BCL2L13: variants seen among roughly 807,000 people sequenced by gnomAD.
BCL2L13 encodes the protein BCL2 like 13.
A neutral mutation model predicts 25.8 loss-of-function variants in BCL2L13; 13 were observed. That is an observed-to-expected ratio of 0.50 (90% CI 0.33 to 0.80). The LOEUF (loss-of-function observed/expected upper bound fraction) is 0.80, where lower values mean the gene tolerates loss of function less well. Ranked by LOEUF, BCL2L13 falls within the 30% of genes least tolerant of loss-of-function variation. The pLI, the probability that BCL2L13 is intolerant of heterozygous loss-of-function variation, is 0.02. For synonymous variants in BCL2L13, 244 were observed against 230.3 expected (o/e 1.06, Z -0.54); for missense variants, 504 against 574.9 (o/e 0.88, Z 1.26).
intron 1 of BCL2L13, 143 bp downstream of exon 1, chr22:17,639,029 C>T: frequency 4.4e-6 from 3 of 675,240 alleles, no homozygotes; most frequent in Non-Finnish European, 6.3e-6. Flanking sequence ...TGTGTCTACA[C>T]CGGCGCTCCT....
At position 17,704,670 on chromosome 22, in the gene BCL2L13, GT is replaced by G. The variant is rs566780472; in HGVS notation, c.600+2285del. On this transcript the variant is annotated intron_variant, in intron 6 of 6. Transcript: ENST00000317582. ...AGATGATGTGGAATGAGAAACAAAT[GT>G]CAACATAATAAAATCTCAGTTAAAG... 3.0e-3 allele frequency among the ~76,000 whole-genome samples: 462 copies of G among 152,070 alleles called. 5 individuals carry two copies. Among genetic ancestry groups the G allele is most frequent in the African/African-American group, 0.01 (427 of 41,530 alleles).
chr22:17,637,540 A>C (rs1185995213), upstream of BCL2L13, among the ~76,000 whole-genome samples: 2 of 151,582 alleles, frequency 1.3e-5, no homozygotes, highest in African/African-American at 2.4e-5. Flanking sequence ...ATACCTGGCT[A>C]ATTTTTTGTG....
intron 6 of BCL2L13, among the ~76,000 whole-genome samples, chr22:17,707,856 A>T (rs2060635416): frequency 6.6e-6 from 1 of 152,148 alleles, no homozygotes; most frequent in Admixed American, 6.5e-5. Context: ...AGGGGGCAGA[A>T]TAATTTGTAA....
intron 2 of BCL2L13, among the ~76,000 whole-genome samples, chr22:17,658,096 G>C (rs2587085): frequency 0.14 from 21,191 of 151,360 alleles, 2,024 homozygotes; most frequent in Non-Finnish European, 0.21. Context: ...CTGGGATTAC[G>C]GGCATGAGCC....
chr22:17,632,101 A>T (rs1049930815), intron 1 of BCL2L13, among the ~76,000 whole-genome samples: 6 of 152,142 alleles, frequency 3.9e-5, no homozygotes, highest in African/African-American at 1.4e-4. Context: ...CTTGTACTGT[A>T]TGACAGATTG....
chr22:17,720,110 T>C (rs1269593419), intron 6 of BCL2L13, among the ~76,000 whole-genome samples: 1 of 147,580 alleles, frequency 6.8e-6, no homozygotes, highest in Non-Finnish European at 1.5e-5. Context: ...ACTATGAATA[T>C]ACTAAAAACC....
chr22:17,654,995 A>G (rs2058807349), intron 1 of BCL2L13, among the ~76,000 whole-genome samples: 1 of 152,118 alleles, frequency 6.6e-6, no homozygotes, highest in Non-Finnish European at 1.5e-5. Context: ...AAGTTCTGGG[A>G]TTACATGCGT....
chr22:17,635,956 C>A (rs1028885370), upstream of BCL2L13, among the ~76,000 whole-genome samples: 1 of 150,366 alleles, frequency 6.7e-6, no homozygotes, highest in Non-Finnish European at 1.5e-5. Flanking sequence ...TGATCCGTCC[C>A]CCTTGGCCTC....
At chr22:17,726,562 A>G (rs2145845719) in intron 6 of BCL2L13, 115 bp from the exon 7 acceptor site, 2 of 1,218,226 alleles carry the variant, frequency 1.6e-6, no homozygotes, top group South Asian at 1.5e-5. Flanking sequence ...ATGTAGGTTT[A>G]AACAGTGTTT....
chr22:17,696,227 C>T lies in BCL2L13; in HGVS notation c.456+17C>T, dbSNP rs772176474. 1 of 1,604,778 alleles carries T rather than the reference C, an allele frequency of 6.2e-7. No homozygotes were observed. The highest frequency in any genetic ancestry group is 8.5e-7 in the Non-Finnish European group (1 of 1,171,862). On this transcript the variant is annotated intron_variant, in intron 5 of 6. Coordinates refer to ENST00000317582, the MANE Select transcript of BCL2L13 (RefSeq NM_015367.4). ...TGGAATAAGGTATCATCACAATGAT[C>T]TTTTCTCTTAAAAGATTTTAGTGTG...
intron 2 of BCL2L13, among the ~76,000 whole-genome samples, chr22:17,669,835 T>C (rs2059360460): frequency 6.6e-6 from 1 of 152,184 alleles, no homozygotes; most frequent in Non-Finnish European, 1.5e-5. Flanking sequence ...CTGTGCTGCC[T>C]CGGGACTCTG....
At chr22:17,680,670 G>C (rs2059724454) in intron 2 of BCL2L13, among the ~76,000 whole-genome samples, 1 of 152,082 alleles carries the variant, frequency 6.6e-6, no homozygotes, top group Admixed American at 6.6e-5. Context: ...TGATTCACGA[G>C]GTAAGTGAGC....
intron 3 of BCL2L13, chr22:17,684,678 C>G (rs1162557614): frequency 2.7e-5 from 12 of 445,110 alleles, no homozygotes; most frequent in Admixed American, 2.6e-4. Context: ...ATTCTCCTGT[C>G]TCAGCCTCCT....
At chr22:17,708,502 A>G (rs1162960182) in intron 6 of BCL2L13, among the ~76,000 whole-genome samples, 1 of 152,252 alleles carries the variant, frequency 6.6e-6, no homozygotes, top group East Asian at 1.9e-4. Context: ...GTTTCAATAG[A>G]TGAAGTGAAG....
At chr22:17,714,287 C>T (rs5992097) in intron 6 of BCL2L13, among the ~76,000 whole-genome samples, 17,457 of 149,458 alleles carry the variant, frequency 0.12, 1,215 homozygotes, top group African/African-American at 0.18. Context: ...AGTGAGACTC[C>T]GTCTCAAAAA....
intron 6 of BCL2L13, among the ~76,000 whole-genome samples, chr22:17,716,620 T>C (rs2145793391): frequency 6.6e-6 from 1 of 152,342 alleles, no homozygotes; most frequent in East Asian, 1.9e-4. Context: ...AATTTATGTT[T>C]GGTTTCCTAG....
intron 1 of BCL2L13, among the ~76,000 whole-genome samples, chr22:17,650,539 C>A (rs1197798945): frequency 6.6e-6 from 1 of 152,086 alleles, no homozygotes; most frequent in Non-Finnish European, 1.5e-5. Flanking sequence ...AGAATCACTG[C>A]TGCAAAGAAG....
intron 1 of BCL2L13, among the ~76,000 whole-genome samples, chr22:17,651,888 C>G (rs1476804887): frequency 2.0e-5 from 3 of 152,100 alleles, no homozygotes; most frequent in Non-Finnish European, 4.4e-5. Flanking sequence ...GACAGGGCTT[C>G]ACTGTGCTAG....
chr22:17,727,871 AG>A lies in BCL2L13; in HGVS notation c.*338del, dbSNP rs1447157231. 6.7e-6 allele frequency: 2 copies of A among 300,464 alleles called. No homozygotes were observed. The highest frequency in any genetic ancestry group is 4.2e-5 in the African/African-American group (2 of 48,186). The allele number at this position is 300,464 out of a possible 1,614,324, so 18.6% of individuals were successfully genotyped here. On this transcript the variant is annotated 3_prime_UTR_variant, in exon 7 of 7. Coordinates refer to ENST00000317582, the MANE Select transcript of BCL2L13 (RefSeq NM_015367.4). ...CTGTGTGTGGTGGGCTCCACCCACTAGATGCCAGTGGCACCCCCTCCCAGAG... is the reference window on the plus strand; with the variant it reads ...CTGTGTGTGGTGGGCTCCACCCACTAATGCCAGTGGCACCCCCTCCCAGAG...
Sources: gnomAD v4.1 joint callset for allele counts (sites outside exome capture counted in the v4.1 genomes callset) on GRCh38, gnomAD v4.1.1 for gene constraint, MANE v1.5 for transcripts, NCBI Gene and HGNC (gene_info 2026-07-23, HGNC 2026-07-21) for gene names.